TMBIM4: variants seen among roughly 807,000 people sequenced by gnomAD.
The protein encoded by TMBIM4 is transmembrane BAX inhibitor motif containing 4, also known as protein lifeguard 4.
TMBIM4 carries 28 observed loss-of-function variants against 27.7 expected under a neutral mutation model. The observed-to-expected ratio is 1.01, with a 90% confidence interval of 0.75 to 1.38. TMBIM4 has a LOEUF of 1.38. TMBIM4 is among the 40% of genes most tolerant of loss of function. The pLI, the probability that TMBIM4 is intolerant of heterozygous loss-of-function variation, is 0.00. For missense variants in TMBIM4, 265 were observed against 277.5 expected (o/e 0.95, Z 0.32); for synonymous variants, 115 against 113.1 (o/e 1.02, Z -0.11).
intron 5 of TMBIM4, among the ~76,000 whole-genome samples, chr12:66,143,096 A>G (rs1361175041): frequency 6.6e-6 from 1 of 152,182 alleles, no homozygotes; most frequent in Non-Finnish European, 1.5e-5. Flanking sequence ...TCAGCCTAAG[A>G]CTTGTCAGTT....
chr12:66,165,999 A>G (rs1461523567), intron 1 of TMBIM4, among the ~76,000 whole-genome samples: 1 of 152,184 alleles, frequency 6.6e-6, no homozygotes, highest in Non-Finnish European at 1.5e-5. Context: ...GCCAAATCCA[A>G]TGTCCTCCTA....
chr12:66,142,671 A>G (rs1161313484), intron 5 of TMBIM4, among the ~76,000 whole-genome samples: 2 of 150,766 alleles, frequency 1.3e-5, no homozygotes, highest in Non-Finnish European at 2.9e-5. Flanking sequence ...CACTATTTCT[A>G]TCTTTCCAGG....
rs780339667 is a variant in TMBIM4 at position 66,147,900 on chromosome 12, C to T, written c.346+8G>A. The stretch of plus-strand genomic sequence containing the variant: ...ATTATAACATATAGAAATGCAGTTA[C>T]GGCTTACCAACAACTGCCACAGTCA... On this transcript the variant is annotated splice_region_variant and intron_variant, in intron 4 of 6. Transcript: ENST00000358230. The T allele has an allele frequency of 2.9e-5, 46 of 1,609,338 alleles. No individual in the cohort carries two copies. The highest frequency in any genetic ancestry group is 3.6e-5 in the Non-Finnish European group (42 of 1,177,304).
Position 66,138,207 on chromosome 12 carries a change from A to G in TMBIM4, c.511-41T>C, listed in dbSNP as rs994999052. 2.5e-6 allele frequency: 4 copies of G among 1,575,012 alleles called. No homozygotes were observed. In the South Asian group the frequency reaches 4.7e-5, roughly 19 times the overall value. ...TAAAGAAATATGTTTATATTTGAGA[A>G]CAGTATTAACAGGACTTAACTTACT... is the stretch of plus-strand genomic sequence containing the variant. On this transcript the variant is annotated intron_variant, in intron 6 of 6. Coordinates refer to ENST00000358230, the MANE Select transcript of TMBIM4 (RefSeq NM_016056.4).
At position 66,144,705 on chromosome 12, in the gene TMBIM4, A is replaced by G. The variant is rs556629477; in HGVS notation, c.464+1136T>C. 4 of 152,296 alleles carry G rather than the reference A, an allele frequency of 2.6e-5. No individual in the cohort carries two copies. The East Asian group carries it at 5.8e-4, about 22-fold the overall frequency. 9.4% of individuals were successfully genotyped at this position (152,296 alleles called of 1,614,324 possible). ...TCAAGGCCTCAAAGAAATTCAACAA[A>G]TAGTTTTTCAAGGACAATTACATAG... is the stretch of plus-strand genomic sequence containing the variant. On this transcript the variant is annotated intron_variant, in intron 5 of 6. Coordinates refer to ENST00000358230, the MANE Select transcript of TMBIM4 (RefSeq NM_016056.4).
chr12:66,146,855 T>C (rs2051760314), intron 4 of TMBIM4, among the ~76,000 whole-genome samples: 1 of 152,158 alleles, frequency 6.6e-6, no homozygotes, highest in South Asian at 2.1e-4. Flanking sequence ...ATGAAGTCCA[T>C]TTTGCTTCTT....
intron 1 of TMBIM4, among the ~76,000 whole-genome samples, chr12:66,159,848 C>T (rs1221269385): frequency 6.6e-6 from 1 of 152,224 alleles, no homozygotes; most frequent in Non-Finnish European, 1.5e-5. Flanking sequence ...AGGACTGAGA[C>T]ACTGGTCACC....
intron 1 of TMBIM4, 43 bp downstream of exon 1, chr12:66,169,812 T>G (rs377146544): frequency 6.2e-6 from 9 of 1,458,878 alleles, no homozygotes; most frequent in Non-Finnish European, 8.3e-6. Context: ...GGCCGAGCAG[T>G]GCAGACAAGC....
chr12:66,143,594 T>C (rs2051703357), intron 5 of TMBIM4, among the ~76,000 whole-genome samples: 1 of 152,178 alleles, frequency 6.6e-6, no homozygotes, highest in Admixed American at 6.5e-5. Context: ...TTCTGAGATT[T>C]AATTCCTTTT....
intron 3 of TMBIM4, among the ~76,000 whole-genome samples, chr12:66,149,747 A>C (rs968299392): frequency 2.0e-5 from 3 of 152,200 alleles, no homozygotes; most frequent in African/African-American, 4.8e-5. Flanking sequence ...GTCTTTGGTT[A>C]AAGAATCACC....
intron 1 of TMBIM4, among the ~76,000 whole-genome samples, chr12:66,162,633 T>C (rs933439385): frequency 2.6e-5 from 4 of 152,244 alleles, no homozygotes; most frequent in Non-Finnish European, 5.9e-5. Flanking sequence ...TCCCAAACGC[T>C]TCTCTAGTGC....
At chr12:66,148,178 G>A (rs948384495) in intron 3 of TMBIM4, among the ~76,000 whole-genome samples, 2 of 152,050 alleles carry the variant, frequency 1.3e-5, no homozygotes, top group African/African-American at 4.8e-5. Flanking sequence ...AGCTCTAATC[G>A]CATATTTGTA....
intron 5 of TMBIM4, chr12:66,139,675 T>C: frequency 2.2e-6 from 1 of 455,976 alleles, no homozygotes; most frequent in Non-Finnish European, 4.4e-6. Flanking sequence ...AGAAGAGAAC[T>C]ATCCACCAAA....
Position 66,169,992 on chromosome 12 carries a change from CA to C in TMBIM4, c.-42del, listed in dbSNP as rs753350001. The C allele has an allele frequency of 2.9e-6, 4 of 1,376,008 alleles. No homozygotes were observed. In the South Asian group the frequency reaches 4.2e-5, roughly 14 times the overall value. 85.2% of individuals were successfully genotyped at this position (1,376,008 alleles called of 1,614,324 possible). ...CCTACCGGTCCCGGTCCACTAACCGCAACCGCCTCCTCCCCACTTCCGCGAG... is the reference window on the plus strand; with the variant it reads ...CCTACCGGTCCCGGTCCACTAACCGCACCGCCTCCTCCCCACTTCCGCGAG... On this transcript the variant is annotated 5_prime_UTR_variant, in exon 1 of 7. Coordinates refer to ENST00000358230, the MANE Select transcript of TMBIM4 (RefSeq NM_016056.4).
intron 1 of TMBIM4, among the ~76,000 whole-genome samples, chr12:66,165,233 G>A (rs2052105824): frequency 6.6e-6 from 1 of 151,984 alleles, no homozygotes; most frequent in Admixed American, 6.6e-5. Flanking sequence ...TGGAATGTCA[G>A]GGGACCCCAA....
At chr12:66,150,286 C>G (rs1331454145) in intron 3 of TMBIM4, among the ~76,000 whole-genome samples, 1 of 152,172 alleles carries the variant, frequency 6.6e-6, no homozygotes, top group Non-Finnish European at 1.5e-5. Context: ...GGCTCTTACC[C>G]AAGGCCTGGC....
At chr12:66,141,622 A>C (rs2051670097) in intron 5 of TMBIM4, among the ~76,000 whole-genome samples, 1 of 152,134 alleles carries the variant, frequency 6.6e-6, no homozygotes, top group Non-Finnish European at 1.5e-5. Flanking sequence ...ATTAAAAATA[A>C]AAGGATAGAA....
At chr12:66,149,456 AAAAAAAAAGAAAG>A (rs1454090388) in intron 3 of TMBIM4, among the ~76,000 whole-genome samples, 1 of 151,258 alleles carries the variant, frequency 6.6e-6, no homozygotes, top group Non-Finnish European at 1.5e-5. Context: ...AAAAAAAAAA[AAAAAAAAAGAAAG>A]AAAGAAATTT....
intron 1 of TMBIM4, among the ~76,000 whole-genome samples, chr12:66,167,117 AGGGAT>A (rs1175781468): frequency 2.0e-5 from 3 of 152,238 alleles, no homozygotes; most frequent in Non-Finnish European, 4.4e-5. Context: ...GCAGGAAGGG[AGGGAT>A]GAACAGGCAG....
Sources: gnomAD v4.1 joint callset for allele counts (sites outside exome capture counted in the v4.1 genomes callset) on GRCh38, gnomAD v4.1.1 for gene constraint, MANE v1.5 for transcripts, NCBI Gene and HGNC (gene_info 2026-07-23, HGNC 2026-07-21) for gene names.